Variants in IGF2BP3 observed in about 807,000 individuals in gnomAD.
IGF2BP3 encodes insulin-like growth factor 2 mRNA-binding protein 3.
In IGF2BP3, 9 loss-of-function variants were observed where a neutral mutation model predicts 73.8. The ratio of observed to expected loss-of-function variants is 0.12; its 90% CI spans 0.07 to 0.21. IGF2BP3 has a LOEUF of 0.21. IGF2BP3 is among the 10% of genes least tolerant of loss of function. IGF2BP3 has a pLI of 1.00. For missense variants in IGF2BP3, 542 were observed against 714.0 expected (o/e 0.76, Z 2.75); for synonymous variants, 258 against 256.7 (o/e 1.01, Z -0.05).
chr7:23,418,201 T>C (rs932740410), intron 3 of IGF2BP3, among the ~76,000 whole-genome samples: 4 of 152,216 alleles, frequency 2.6e-5, no homozygotes, highest in South Asian at 2.1e-4. Flanking sequence ...TCAGGTTCCA[T>C]TGTCTGAAGA....
chr7:23,363,677 C>G (rs750284760), intron 3 of IGF2BP3, among the ~76,000 whole-genome samples: 2 of 152,186 alleles, frequency 1.3e-5, no homozygotes, highest in Non-Finnish European at 2.9e-5. Flanking sequence ...GGTATACACA[C>G]AGAAGCACAT....
chr7:23,456,100 A>G (rs1268378990), intron 2 of IGF2BP3, among the ~76,000 whole-genome samples: 2 of 152,172 alleles, frequency 1.3e-5, no homozygotes, highest in Admixed American at 6.6e-5. Flanking sequence ...GTCATTTCAG[A>G]AACTCAAAAA....
At chr7:23,449,526 G>C (rs1050657261) in intron 2 of IGF2BP3, among the ~76,000 whole-genome samples, 2 of 146,896 alleles carry the variant, frequency 1.4e-5, no homozygotes, top group South Asian at 2.2e-4. Flanking sequence ...AAAAATACCT[G>C]ATACAATTTT....
intron 3 of IGF2BP3, among the ~76,000 whole-genome samples, chr7:23,385,371 T>C (rs953022763): frequency 6.6e-6 from 1 of 152,180 alleles, no homozygotes; most frequent in Non-Finnish European, 1.5e-5. Flanking sequence ...GGCAGCACAG[T>C]ACAATCACCT....
In IGF2BP3 at chr7:23,351,435, G is replaced by A; in HGVS notation, c.553C>T (p.Pro185Ser). ...GGTTTCTGCTTGGATACGGATCCTG[G>A]AGACCCCTGCCTTGAGGAGCCCCTC... ...GQRGSSRQGS[P>S]GSVSKQKPCD... The change falls in exon 6 of 15, where the codon CCA becomes TCA. Residue 185 changes from proline (P) to serine (S), a missense_variant. Transcript: ENST00000258729. 2 of 1,613,692 alleles carry A rather than the reference G, an allele frequency of 1.2e-6. No individual in the cohort carries two copies.
At chr7:23,318,553 A>G (rs1420942331) in intron 11 of IGF2BP3, among the ~76,000 whole-genome samples, 1 of 152,158 alleles carries the variant, frequency 6.6e-6, no homozygotes, top group Admixed American at 6.5e-5. Context: ...ATAAGGCATC[A>G]AAATACAGAA....
chr7:23,330,010 G>A (rs545789779), intron 10 of IGF2BP3, among the ~76,000 whole-genome samples: 1 of 152,138 alleles, frequency 6.6e-6, no homozygotes, highest in South Asian at 2.1e-4. Context: ...GAGCTGCCAG[G>A]CACGGTGGCT....
At chr7:23,412,215 T>A (rs1787047327) in intron 3 of IGF2BP3, among the ~76,000 whole-genome samples, 2 of 152,128 alleles carry the variant, frequency 1.3e-5, no homozygotes, top group African/African-American at 4.8e-5. Context: ...ACTCCTGGCC[T>A]CAAGTGATTT....
intron 3 of IGF2BP3, among the ~76,000 whole-genome samples, chr7:23,376,832 A>G (rs1279258031): frequency 6.6e-6 from 1 of 152,220 alleles, no homozygotes; most frequent in Non-Finnish European, 1.5e-5. Flanking sequence ...AGCGTGGGCA[A>G]CACAGCGAAA....
At chr7:23,329,650 G>C (rs1461792199) in intron 10 of IGF2BP3, among the ~76,000 whole-genome samples, 1 of 152,150 alleles carries the variant, frequency 6.6e-6, no homozygotes, top group Non-Finnish European at 1.5e-5. Context: ...AAGAGTAGTG[G>C]AGATGGGTAA....
At chr7:23,330,525 T>C (rs937986014) in intron 10 of IGF2BP3, among the ~76,000 whole-genome samples, 11 of 151,974 alleles carry the variant, frequency 7.2e-5, no homozygotes, top group African/African-American at 2.7e-4. Context: ...TGGCAAAAGC[T>C]TAAACCTATG....
chr7:23,314,994 G>A (rs1436322399), intron 12 of IGF2BP3, among the ~76,000 whole-genome samples: 1 of 151,916 alleles, frequency 6.6e-6, no homozygotes, highest in East Asian at 1.9e-4. Flanking sequence ...GTTGAGACGG[G>A]GATTCACCAT....
At chr7:23,384,527 A>G (rs1562716669) in intron 3 of IGF2BP3, among the ~76,000 whole-genome samples, 2 of 152,176 alleles carry the variant, frequency 1.3e-5, no homozygotes, top group African/African-American at 4.8e-5. Flanking sequence ...AACCCCAACA[A>G]AAGATATATT....
At chr7:23,443,422 G>A (rs1317977277) in intron 2 of IGF2BP3, among the ~76,000 whole-genome samples, 1 of 152,070 alleles carries the variant, frequency 6.6e-6, no homozygotes, top group African/African-American at 2.4e-5. Context: ...ACCGCGACTG[G>A]CCTATTTTTG....
chr7:23,443,102 A>ATTTTT (rs34674050), intron 2 of IGF2BP3, among the ~76,000 whole-genome samples: 3 of 85,816 alleles, frequency 3.5e-5, no homozygotes, highest in Admixed American at 1.5e-4. Flanking sequence ...CATTACAGTG[A>ATTTTT]TTTTTTTTTT....
At position 23,319,266 on chromosome 7, in the gene IGF2BP3, G is replaced by C; in HGVS notation, c.1204-12C>G. 6.4e-7 allele frequency: 1 copy of C among 1,552,930 alleles called. No individual in the cohort carries two copies. Among genetic ancestry groups the C allele is most frequent in the South Asian group, 1.1e-5 (1 of 87,496 alleles). ...TCCGTTTCTGATTGCTGTTAGAAAA[G>C]AAAGCCAGGACACCCATGTTTATTT... On this transcript the variant is annotated splice_polypyrimidine_tract_variant and intron_variant, in intron 10 of 14. Transcript: ENST00000258729.
chr7:23,449,554 C>CT (rs376571131), intron 2 of IGF2BP3, among the ~76,000 whole-genome samples: 1,344 of 106,946 alleles, frequency 0.013, 34 homozygotes, highest in East Asian at 0.028. Context: ...TTTTCTTTTT[C>CT]TTTTTTTTTT....
Position 23,470,136 on chromosome 7 carries a change from AAT to A in IGF2BP3, c.-28_-27del. On this transcript the variant is annotated 5_prime_UTR_variant, in exon 1 of 15. Transcript: ENST00000258729. The stretch of plus-strand genomic sequence containing the variant: ...TGTGAAGAGTGGTTGTTTAAAAAAA[AAT>A]AACGAGAAAAAACGAAAAATTAAAA... 1.3e-6 allele frequency: 2 copies of A among 1,563,600 alleles called. No homozygotes were observed. The highest frequency in any genetic ancestry group is 2.8e-5 in the African/African-American group (2 of 72,490).
intron 2 of IGF2BP3, among the ~76,000 whole-genome samples, chr7:23,435,387 C>T (rs1485132515): frequency 6.8e-6 from 1 of 147,950 alleles, no homozygotes; most frequent in Non-Finnish European, 1.5e-5. Flanking sequence ...TATAAAAATA[C>T]ACCACAGAAA....
Sources: gnomAD v4.1 joint callset for allele counts (sites outside exome capture counted in the v4.1 genomes callset) on GRCh38, gnomAD v4.1.1 for gene constraint, MANE v1.5 for transcripts, NCBI Gene and HGNC (gene_info 2026-07-23, HGNC 2026-07-21) for gene names.